AGAP1: variants seen among roughly 807,000 people sequenced by gnomAD.
AGAP1 encodes ArfGAP with GTPase domain, ankyrin repeat and PH domain 1.
AGAP1 carries 29 observed loss-of-function variants against 105.3 expected under a neutral mutation model. The ratio of observed to expected loss-of-function variants is 0.28; its 90% CI spans 0.21 to 0.38. The LOEUF is 0.38. Among genes scored for constraint, AGAP1 ranks in the 10% least tolerant of loss-of-function variants. The probability of loss-of-function intolerance (pLI) is 1.00; values close to 1 mark genes in which losing one functional copy is unlikely to be tolerated. For missense variants in AGAP1, 998 were observed against 1,165.1 expected (o/e 0.86, Z 2.09); for synonymous variants, 509 against 485.9 (o/e 1.05, Z -0.63).
At position 235,697,635 on chromosome 2, in the gene AGAP1, A is replaced by C. The variant is rs75431491; in HGVS notation, c.164-11544A>C. 4.4e-3 allele frequency among the ~76,000 whole-genome samples: 672 copies of C among 152,318 alleles called. 6 individuals are homozygous for C. Among genetic ancestry groups the C allele is most frequent in the African/African-American group, 0.015 (623 of 41,566 alleles). ...CTTGTGGCGAAAATTCAGCAACAGTAAGGAGTGAGTTAATTCTGATTGCTC... is the reference window on the plus strand; with the variant it reads ...CTTGTGGCGAAAATTCAGCAACAGTCAGGAGTGAGTTAATTCTGATTGCTC... On this transcript the variant is annotated intron_variant, in intron 1 of 17. Coordinates refer to ENST00000304032, the MANE Select transcript of AGAP1 (RefSeq NM_001037131.3).
chr2:235,899,648 G>C (rs931306655), intron 10 of AGAP1, among the ~76,000 whole-genome samples: 5 of 152,142 alleles, frequency 3.3e-5, no homozygotes, highest in African/African-American at 1.2e-4. Flanking sequence ...AAATTTCTAG[G>C]ATCTAACTAT....
At chr2:236,117,654 T>C (rs1349336932) in intron 16 of AGAP1, among the ~76,000 whole-genome samples, 1 of 152,208 alleles carries the variant, frequency 6.6e-6, no homozygotes, top group Non-Finnish European at 1.5e-5. Context: ...TACCAAAAAA[T>C]GAGAGTTAGC....
intron 6 of AGAP1, among the ~76,000 whole-genome samples, chr2:235,773,212 A>C (rs887837729): frequency 6.6e-6 from 1 of 152,176 alleles, no homozygotes; most frequent in African/African-American, 2.4e-5. Context: ...GAGGTTTCCC[A>C]TTGGCCATTT....
At position 236,063,814 on chromosome 2, in the gene AGAP1, G is replaced by C. The variant is rs116442998; in HGVS notation, c.2114+14533G>C. On this transcript the variant is annotated intron_variant, in intron 16 of 17. Transcript: ENST00000304032. The stretch of plus-strand genomic sequence containing the variant: ...GAACAGCAGTGACAATACCATTAAA[G>C]CTTCAAATAATTAAATGTCATTTAT... 9.8e-3 allele frequency among the ~76,000 whole-genome samples: 1,500 copies of C among 152,316 alleles called. 15 individuals carry two copies. The highest frequency in any genetic ancestry group is 0.035 in the African/African-American group (1,438 of 41,568).
chr2:236,106,560 C>T (rs1049654865), intron 16 of AGAP1, among the ~76,000 whole-genome samples: 2 of 152,200 alleles, frequency 1.3e-5, no homozygotes, highest in Non-Finnish European at 2.9e-5. Flanking sequence ...AGGGTGGGCT[C>T]TGGGGGCCAT....
Position 235,882,491 on chromosome 2 carries a change from C to G in AGAP1, c.1051-854C>G. The G allele has an allele frequency of 6.5e-7, 1 of 1,538,106 alleles. No homozygotes were observed. The highest frequency in any genetic ancestry group is 1.1e-5 in the South Asian group (1 of 88,656). On this transcript the variant is annotated intron_variant, in intron 9 of 17. Transcript: ENST00000304032. This position sits in a 1 kb window ranked among gnomAD's most constrained non-coding sequence, Gnocchi z 4.6. ...TTCCCCCCACGTCTGGTTTGTCTGC[C>G]ATTTTCTTAAAACAATCGGTACCAT...
intron 1 of AGAP1, among the ~76,000 whole-genome samples, chr2:235,667,778 G>A (rs1414768794): frequency 6.6e-6 from 1 of 151,912 alleles, no homozygotes; most frequent in Non-Finnish European, 1.5e-5. Flanking sequence ...GACCAACATG[G>A]TGAAACCCCA....
At chr2:235,502,350 T>C (rs910931346) in intron 1 of AGAP1, among the ~76,000 whole-genome samples, 1 of 152,110 alleles carries the variant, frequency 6.6e-6, no homozygotes, top group African/African-American at 2.4e-5. Context: ...GTTGGGACAT[T>C]TTCCGTAAAG....
Position 235,777,496 on chromosome 2 carries a change from G to A in AGAP1, c.674-20263G>A, listed in dbSNP as rs1056218544. ...CCTCGTTATCAGCAGGCAGCCTTGC[G>A]TCTGCCTCTGGGAGCAGAAACCGTT... is the stretch of plus-strand genomic sequence containing the variant. On this transcript the variant is annotated intron_variant, in intron 6 of 17. Transcript: ENST00000304032. The surrounding 1 kb of genome is among the most constrained non-coding windows in gnomAD (Gnocchi z 5.1). Among the ~76,000 whole-genome samples the A allele has an allele frequency of 4.6e-5, 7 of 152,244 alleles. No individual in the cohort carries two copies. Among genetic ancestry groups the A allele is most frequent in the African/African-American group, 1.7e-4 (7 of 41,476 alleles).
Position 235,686,620 on chromosome 2 carries a change from GATAT to G in AGAP1, c.164-22537_164-22534del, listed in dbSNP as rs1194270184. On this transcript the variant is annotated intron_variant, in intron 1 of 17. Coordinates refer to ENST00000304032, the MANE Select transcript of AGAP1 (RefSeq NM_001037131.3). ...GTGTATATATATACGTGGAGATATA[GATAT>G]ATATATATATATATATATATAGATA... Among the ~76,000 whole-genome samples, 17 of 57,242 alleles carry G rather than the reference GATAT, an allele frequency of 3.0e-4. 1 individual carries two copies. The highest frequency in any genetic ancestry group is 5.1e-4 in the Non-Finnish European group (16 of 31,260). The allele number at this position is 57,242 out of a possible 152,430, so 37.6% of individuals were successfully genotyped here. A position where few individuals can be genotyped will look rare whatever the true frequency, so the allele number is the denominator to read the frequency against.
rs150459620 is a variant in AGAP1, at chr2:235,681,228, C to G, written c.164-27951C>G. On this transcript the variant is annotated intron_variant, in intron 1 of 17. Transcript: ENST00000304032. ...GCTTCACCGTGTTAGCCAGGATGGT[C>G]TCGATCTCCTGATCTCATGATCTGC... Among the ~76,000 whole-genome samples the G allele has an allele frequency of 3.6e-3, 550 of 152,302 alleles. 6 individuals are homozygous for G. Among genetic ancestry groups the G allele is most frequent in the African/African-American group, 0.013 (532 of 41,566 alleles).
chr2:235,671,001 C>A lies in AGAP1; in HGVS notation c.164-38178C>A. On this transcript the variant is annotated intron_variant, in intron 1 of 17. Transcript: ENST00000304032. ...CGCGGCTACTTCAGCCTGCGGCGGG[C>A]CCCGGCCGAAGCGCACTCGTCCAGC... 2 of 1,321,468 alleles carry A rather than the reference C, an allele frequency of 1.5e-6. 1 individual carries two copies. The highest frequency in any genetic ancestry group is 4.2e-5 in the South Asian group (2 of 47,634). The allele number at this position is 1,321,468 out of a possible 1,614,324, so 81.9% of individuals were successfully genotyped here. A position where few individuals can be genotyped will look rare whatever the true frequency, so the allele number is the denominator to read the frequency against.
At chr2:235,677,588 T>C (rs1948810831) in intron 1 of AGAP1, among the ~76,000 whole-genome samples, 1 of 152,130 alleles carries the variant, frequency 6.6e-6, no homozygotes, top group Non-Finnish European at 1.5e-5. Context: ...CACACAGGAA[T>C]GCTCCTTTAT....
chr2:235,831,725 G>C (rs1959434412), intron 9 of AGAP1, among the ~76,000 whole-genome samples: 1 of 152,120 alleles, frequency 6.6e-6, no homozygotes, highest in Non-Finnish European at 1.5e-5. Context: ...AAGACATCTT[G>C]GGTGCTTCCA....
At chr2:235,749,792 C>A (rs1325325651) in intron 5 of AGAP1, among the ~76,000 whole-genome samples, 1 of 152,214 alleles carries the variant, frequency 6.6e-6, no homozygotes, top group Non-Finnish European at 1.5e-5. Flanking sequence ...TCACATTCAT[C>A]TTTCTTTTCT....
chr2:235,907,816 T>C (rs1030286119), intron 10 of AGAP1, among the ~76,000 whole-genome samples: 1 of 152,174 alleles, frequency 6.6e-6, no homozygotes, highest in Non-Finnish European at 1.5e-5. Context: ...TGCAATATTT[T>C]CTTATTTGTA....
chr2:235,834,683 G>A (rs925874915), intron 9 of AGAP1, among the ~76,000 whole-genome samples: 5 of 152,178 alleles, frequency 3.3e-5, no homozygotes, highest in East Asian at 1.9e-4. Flanking sequence ...AGGTCCCTGC[G>A]AGGTCCCCGT....
At chr2:235,531,841 A>C (rs566109099) in intron 1 of AGAP1, among the ~76,000 whole-genome samples, 1 of 147,122 alleles carries the variant, frequency 6.8e-6, no homozygotes, top group African/African-American at 2.6e-5. Context: ...CGAACTCCTG[A>C]CCTTCGTTGA....
At chr2:235,768,758 C>T (rs1371585608) in intron 6 of AGAP1, among the ~76,000 whole-genome samples, 1 of 152,154 alleles carries the variant, frequency 6.6e-6, no homozygotes, top group Non-Finnish European at 1.5e-5. Flanking sequence ...GGCACAGCCG[C>T]CGTGGGATGA....
Sources: allele counts gnomAD v4.1 joint callset (sites outside exome capture counted in the v4.1 genomes callset), GRCh38; gene constraint gnomAD v4.1.1; non-coding constraint Gnocchi (gnomAD v3.1); transcripts MANE v1.5; gene names NCBI Gene and HGNC (gene_info 2026-07-23, HGNC 2026-07-21).